Variants in EYS observed in about 807,000 individuals in gnomAD.
EYS encodes the protein protein eyes shut homolog.
EYS carries 250 observed loss-of-function variants against 282.1 expected under a neutral mutation model. The observed-to-expected ratio is 0.89, with a 90% CI of 0.80 to 0.98. The LOEUF (loss-of-function observed/expected upper bound fraction) is 0.98, where lower values mean the gene tolerates loss of function less well. Ranked by LOEUF, EYS falls within the 50% of genes least tolerant of loss-of-function variation. The pLI is 0.00. For missense variants in EYS, 4,016 were observed against 3,709.0 expected (o/e 1.08, Z -2.15); for synonymous variants, 1,355 against 1,282.9 (o/e 1.06, Z -1.20).
At chr6:64,160,434 C>G (rs1410287747) in intron 31 of EYS, among the ~76,000 whole-genome samples, 1 of 152,076 alleles carries the variant, frequency 6.6e-6, no homozygotes, top group Admixed American at 6.6e-5. Context: ...TAATATTTAA[C>G]AAGTTAAAGC....
In EYS at chr6:64,916,225, C is replaced by T. The variant is rs573139612; in HGVS notation, c.2382-3482G>A. ...TTATTGTATTCTGAGTACATAATTT[C>T]AACTTGGTTAATTTAAAAGAGTTTC... On this transcript the variant is annotated intron_variant, in intron 15 of 42. Transcript: ENST00000503581. 3.9e-5 allele frequency among the ~76,000 whole-genome samples: 6 copies of T among 152,220 alleles called. No individual in the cohort carries two copies. In the South Asian group the frequency reaches 1.2e-3, roughly 32 times the overall value.
intron 29 of EYS, among the ~76,000 whole-genome samples, chr6:64,321,425 A>G (rs1246183364): frequency 1.3e-5 from 2 of 151,892 alleles, no homozygotes; most frequent in Non-Finnish European, 2.9e-5. Context: ...TAAATAATAT[A>G]AGGCTGATGT....
At chr6:64,151,537 T>C (rs1774737618) in intron 31 of EYS, among the ~76,000 whole-genome samples, 1 of 151,094 alleles carries the variant, frequency 6.6e-6, no homozygotes, top group Non-Finnish European at 1.5e-5. Context: ...AATTTTTGTA[T>C]TTTTAGTAGA....
At chr6:64,023,479 TA>T (rs1769292539) in intron 33 of EYS, among the ~76,000 whole-genome samples, 1 of 152,256 alleles carries the variant, frequency 6.6e-6, no homozygotes, top group Non-Finnish European at 1.5e-5. Flanking sequence ...AATGTACACT[TA>T]TATTTTACAC....
intron 2 of EYS, among the ~76,000 whole-genome samples, chr6:65,506,193 C>G (rs1473848420): frequency 6.6e-6 from 1 of 152,040 alleles, no homozygotes; most frequent in Admixed American, 6.6e-5. Context: ...CTTTTCTCGT[C>G]TCTTTTAACC....
chr6:64,686,072 A>G (rs1181680722), intron 22 of EYS, among the ~76,000 whole-genome samples: 1 of 151,636 alleles, frequency 6.6e-6, no homozygotes, highest in Non-Finnish European at 1.5e-5. Flanking sequence ...AAAACAAGAG[A>G]AATTAGAAAA....
At chr6:64,998,798 A>C (rs1398814709) in intron 13 of EYS, among the ~76,000 whole-genome samples, 1 of 152,238 alleles carries the variant, frequency 6.6e-6, no homozygotes, top group Non-Finnish European at 1.5e-5. Flanking sequence ...TTAACATATT[A>C]AAACCACATA....
chr6:64,920,008 C>G (rs1290470351), intron 15 of EYS, among the ~76,000 whole-genome samples: 1 of 151,888 alleles, frequency 6.6e-6, no homozygotes. Flanking sequence ...ACATTTGAAT[C>G]TGGGACTAGA....
intron 12 of EYS, among the ~76,000 whole-genome samples, chr6:65,191,039 A>G (rs1765630520): frequency 6.6e-6 from 1 of 151,854 alleles, no homozygotes; most frequent in Non-Finnish European, 1.5e-5. Context: ...CCGCCTTAGC[A>G]AAATTCTTCA....
chr6:64,105,135 A>C (rs1772965252), intron 31 of EYS, among the ~76,000 whole-genome samples: 1 of 152,058 alleles, frequency 6.6e-6, no homozygotes, highest in Non-Finnish European at 1.5e-5. Context: ...GTGAGGAAGC[A>C]GAATCATCAG....
chr6:64,415,057 C>A (rs1312325758), intron 28 of EYS, among the ~76,000 whole-genome samples: 1 of 152,038 alleles, frequency 6.6e-6, no homozygotes, highest in Non-Finnish European at 1.5e-5. Context: ...TGCAAAAATG[C>A]AACAAACACA....
chr6:64,790,918 C>T (rs1208335475), intron 22 of EYS, among the ~76,000 whole-genome samples: 3 of 151,830 alleles, frequency 2.0e-5, no homozygotes, highest in Non-Finnish European at 4.4e-5. Context: ...TTCCTCTCTA[C>T]ATAATTTAAA....
At chr6:64,435,970 T>C (rs1218148657) in intron 28 of EYS, among the ~76,000 whole-genome samples, 1 of 151,984 alleles carries the variant, frequency 6.6e-6, no homozygotes, top group South Asian at 2.1e-4. Flanking sequence ...TTATGTGAGT[T>C]CATTGATAAT....
chr6:64,526,074 A>G (rs1777908630), intron 26 of EYS, among the ~76,000 whole-genome samples: 1 of 151,932 alleles, frequency 6.6e-6, no homozygotes, highest in Non-Finnish European at 1.5e-5. Context: ...TAAGTGAAAA[A>G]AGCAAATCCT....
At chr6:64,389,956 C>T (rs1311582404) in intron 28 of EYS, among the ~76,000 whole-genome samples, 2 of 150,794 alleles carry the variant, frequency 1.3e-5, no homozygotes, top group African/African-American at 4.9e-5. Flanking sequence ...CATTGCCTCA[C>T]TTGGGAAGTG....
In EYS at chr6:64,623,514, T is replaced by C. The variant is rs547496889; in HGVS notation, c.3568+2607A>G. ...TTAATACATCTAAAATAACATGGTG[T>C]CTATGCAGTAATACTGATATTATTA... On this transcript the variant is annotated intron_variant, in intron 23 of 42. Transcript: ENST00000503581. 9.2e-5 allele frequency among the ~76,000 whole-genome samples: 14 copies of C among 152,262 alleles called. No homozygotes were observed. In the East Asian group the frequency reaches 2.7e-3, roughly 29 times the overall value.
chr6:65,255,862 G>A (rs1032888606), intron 12 of EYS, among the ~76,000 whole-genome samples: 1 of 152,152 alleles, frequency 6.6e-6, no homozygotes, highest in East Asian at 1.9e-4. Flanking sequence ...ATGCTGATGA[G>A]GATGTGAGGA....
chr6:65,698,067 G>A (rs1273983449), intron 1 of EYS, among the ~76,000 whole-genome samples: 2 of 152,034 alleles, frequency 1.3e-5, no homozygotes, highest in Non-Finnish European at 2.9e-5. Flanking sequence ...GGAGGGAGAC[G>A]GATATGGTTT....
intron 12 of EYS, among the ~76,000 whole-genome samples, chr6:65,184,979 G>A (rs1211964352): frequency 1.3e-5 from 2 of 150,820 alleles, no homozygotes; most frequent in Non-Finnish European, 3.0e-5. Context: ...GTTCTAGTAT[G>A]TAATAAAAAT....
Sources: allele counts gnomAD v4.1 joint callset (sites outside exome capture counted in the v4.1 genomes callset), GRCh38; gene constraint gnomAD v4.1.1; transcripts MANE v1.5; gene names NCBI Gene and HGNC (gene_info 2026-07-23, HGNC 2026-07-21).